DDR1: variants seen among roughly 807,000 people sequenced by gnomAD.
DDR1 encodes the protein epithelial discoidin domain-containing receptor 1.
A neutral mutation model predicts 97.4 loss-of-function variants in DDR1; 64 were observed. That is an observed-to-expected ratio of 0.66 (90% confidence interval 0.54 to 0.81). DDR1 has a LOEUF of 0.81. Ranked by LOEUF, DDR1 falls within the 30% of genes least tolerant of loss-of-function variation. DDR1 has a pLI of 0.00. For missense variants in DDR1, 990 were observed against 1,259.6 expected (o/e 0.79, Z 3.24); for synonymous variants, 458 against 503.7 (o/e 0.91, Z 1.21).
chr6:30,889,449 G>C lies in DDR1; in HGVS notation c.417+19G>C. On this transcript the variant is annotated intron_variant, in intron 4 of 17. Coordinates refer to ENST00000376568, the MANE Select transcript of DDR1 (RefSeq NM_001297654.2). This position sits in a 1 kb window ranked among gnomAD's most constrained non-coding sequence, Gnocchi z 4.9. Reference sequence around the variant, plus strand: ...TCAGGAGGTGAGACTGGCAGGGGCAGCACCCAGAGGAGGTTGGCTCTCCTC... The same window carrying C: ...TCAGGAGGTGAGACTGGCAGGGGCACCACCCAGAGGAGGTTGGCTCTCCTC... 2.0e-6 allele frequency: 3 copies of C among 1,477,754 alleles called. No individual in the cohort carries two copies. Among genetic ancestry groups the C allele is most frequent in the African/African-American group, 1.4e-5 (1 of 71,242 alleles). The allele number at this position is 1,477,754 out of a possible 1,614,324, so 91.5% of individuals were successfully genotyped here.
rs114696917 is a variant in DDR1, at chr6:30,897,725, C to G, written c.2216+128C>G. On this transcript the variant is annotated intron_variant, in intron 15 of 17. Transcript: ENST00000376568. This position sits in a 1 kb window ranked among gnomAD's most constrained non-coding sequence, Gnocchi z 5.2. ...GAAGGGAGAGAGGTTCCAGGAGGGC[C>G]TGGGATAAGGAATGTGTGACAAGTT... 0.015 allele frequency: 11,525 copies of G among 755,822 alleles called. 196 individuals are homozygous for G. The highest frequency in any genetic ancestry group is 0.035 in the Admixed American group (1,320 of 37,712). 46.8% of individuals were successfully genotyped at this position (755,822 alleles called of 1,614,324 possible). A position where few individuals can be genotyped will look rare whatever the true frequency, so the allele number is the denominator to read the frequency against.
At position 30,897,619 on chromosome 6, in the gene DDR1, G is replaced by T; in HGVS notation, c.2216+22G>T. 6.3e-7 allele frequency: 1 copy of T among 1,589,704 alleles called. No homozygotes were observed. The highest frequency in any genetic ancestry group is 1.3e-5 in the African/African-American group (1 of 74,634). On this transcript the variant is annotated intron_variant, in intron 15 of 17. Coordinates refer to ENST00000376568, the MANE Select transcript of DDR1 (RefSeq NM_001297654.2). This position sits in a 1 kb window ranked among gnomAD's most constrained non-coding sequence, Gnocchi z 5.2. ...TCAGGTACCTGCTTACCCAGGCTGG[G>T]CCTTGCTCAGAATTCCCCCAGGGGA...
rs1366914006 is a variant in DDR1 at position 30,896,523 on chromosome 6, G to A, written c.1625-98G>A. 3.4e-6 allele frequency: 5 copies of A among 1,458,302 alleles called. No individual in the cohort carries two copies. The African/African-American group carries it at 7.1e-5, about 21-fold the overall frequency. 90.3% of individuals were successfully genotyped at this position (1,458,302 alleles called of 1,614,324 possible). A position where few individuals can be genotyped will look rare whatever the true frequency, so the allele number is the denominator to read the frequency against. On this transcript the variant is annotated intron_variant, in intron 12 of 17. Transcript: ENST00000376568. ...TAGACCCAGTCTCTCACTCAACCGG[G>A]AGACACAGGGCCCTCCGGGAGGCTG... is the stretch of plus-strand genomic sequence containing the variant.
In DDR1 at chr6:30,889,360, G is replaced by A. The variant is rs570679100; in HGVS notation, c.347G>A (p.Arg116Gln). 148 of 1,609,164 alleles carry A rather than the reference G, an allele frequency of 9.2e-5. No individual in the cohort carries two copies. The highest frequency in any genetic ancestry group is 3.9e-4 in the South Asian group (35 of 90,504). ...HAGGLGKEFSRSYRLRYSRDG... is the reference protein window; with the variant it reads ...HAGGLGKEFSQSYRLRYSRDG... The stretch of plus-strand genomic sequence containing the variant: ...GGGGGCCTGGGCAAGGAGTTCTCCC[G>A]GAGCTACCGGCTGCGTTACTCCCGG... The change falls in exon 4 of 18, where the codon CGG becomes CAG. Residue 116 changes from arginine to glutamine, a missense_variant. By Grantham distance (43) the Arg-to-Gln change is conservative. Transcript: ENST00000376568. The surrounding 1 kb of genome is among the most constrained non-coding windows in gnomAD (Gnocchi z 4.9).
Position 30,891,388 on chromosome 6 carries a change from C to T in DDR1, c.574C>T (p.Leu192=). ...CTCTCACCCTGCCCCAGATGGACTC[C>T]TGTCTTACACCGCCCCTGTGGGGCA... ...LYGCLWRDGL[L]SYTAPVGQTM... The change falls in exon 6 of 18, where the codon CTG becomes TTG. Residue 192 remains leucine (L), a synonymous_variant. Coordinates refer to ENST00000376568, the MANE Select transcript of DDR1 (RefSeq NM_001297654.2). This position sits in a 1 kb window ranked among gnomAD's most constrained non-coding sequence, Gnocchi z 5.3. 6.2e-7 allele frequency: 1 copy of T among 1,612,572 alleles called. No homozygotes were observed. The highest frequency in any genetic ancestry group is 8.5e-7 in the Non-Finnish European group (1 of 1,179,718).
Position 30,889,097 on chromosome 6 carries a change from A to G in DDR1, c.188+87A>G. The G allele has an allele frequency of 6.3e-7, 1 of 1,580,204 alleles. No individual in the cohort carries two copies. Among genetic ancestry groups the G allele is most frequent in the Non-Finnish European group, 8.7e-7 (1 of 1,151,436 alleles). On this transcript the variant is annotated intron_variant, in intron 3 of 17. Transcript: ENST00000376568. The surrounding 1 kb of genome is among the most constrained non-coding windows in gnomAD (Gnocchi z 4.9). ...CCCCTCCAACCCCTCTGCCCATGCCAGTGAAACCCCTGCAGGCTGAGGGGG... is the reference window on the plus strand; with the variant it reads ...CCCCTCCAACCCCTCTGCCCATGCCGGTGAAACCCCTGCAGGCTGAGGGGG...
At position 30,898,054 on chromosome 6, in the gene DDR1, C is replaced by G; in HGVS notation, c.2217-19C>G. 2 of 1,599,286 alleles carry G rather than the reference C, an allele frequency of 1.3e-6. No homozygotes were observed. Among genetic ancestry groups the G allele is most frequent in the Non-Finnish European group, 1.7e-6 (2 of 1,166,690 alleles). On this transcript the variant is annotated intron_variant, in intron 15 of 17. Transcript: ENST00000376568. ...CTGCGAAGCTGCCCCCAGTGACCTT[C>G]TGTCGGTTCCCTTCTCAGCTACCCA...
At position 30,894,753 on chromosome 6, in the gene DDR1, C is replaced by G. The variant is rs890379017; in HGVS notation, c.1513+82C>G. 1.8e-5 allele frequency: 26 copies of G among 1,427,012 alleles called. No homozygotes were observed. In the Middle Eastern group the frequency reaches 5.6e-4, roughly 31 times the overall value. 88.4% of individuals were successfully genotyped at this position (1,427,012 alleles called of 1,614,324 possible). A position where few individuals can be genotyped will look rare whatever the true frequency, so the allele number is the denominator to read the frequency against. Reference sequence around the variant, plus strand: ...ATCCCTTTCCCATTCTCTTTTTTTCCTGTCTTCCCCAGTTTCCACTTGTTT... The same window carrying G: ...ATCCCTTTCCCATTCTCTTTTTTTCGTGTCTTCCCCAGTTTCCACTTGTTT... On this transcript the variant is annotated intron_variant, in intron 11 of 17. Coordinates refer to ENST00000376568, the MANE Select transcript of DDR1 (RefSeq NM_001297654.2). The surrounding 1 kb of genome is among the most constrained non-coding windows in gnomAD (Gnocchi z 5.7).
At position 30,889,438 on chromosome 6, in the gene DDR1, T is replaced by C. The variant is rs1300453567; in HGVS notation, c.417+8T>C. On this transcript the variant is annotated splice_region_variant and intron_variant, in intron 4 of 17. Transcript: ENST00000376568. The surrounding 1 kb of genome is among the most constrained non-coding windows in gnomAD (Gnocchi z 4.9). ...GACCGCTGGGGTCAGGAGGTGAGACTGGCAGGGGCAGCACCCAGAGGAGGT... is the reference window on the plus strand; with the variant it reads ...GACCGCTGGGGTCAGGAGGTGAGACCGGCAGGGGCAGCACCCAGAGGAGGT... 1 of 1,511,200 alleles carries C rather than the reference T, an allele frequency of 6.6e-7. No homozygotes were observed. Among genetic ancestry groups the C allele is most frequent in the Non-Finnish European group, 8.8e-7 (1 of 1,130,692 alleles). 93.6% of individuals were successfully genotyped at this position (1,511,200 alleles called of 1,614,324 possible). A position where few individuals can be genotyped will look rare whatever the true frequency, so the allele number is the denominator to read the frequency against.
chr6:30,898,231 A>G lies in DDR1; in HGVS notation c.2375A>G (p.Tyr792Cys), dbSNP rs777882153. The G allele has an allele frequency of 1.9e-5, 31 of 1,614,064 alleles. No homozygotes were observed. The highest frequency in any genetic ancestry group is 2.5e-5 in the Non-Finnish European group (29 of 1,180,042). ...IADFGMSRNL[Y>C]AGDYYRVQGR... ...GACTTTGGCATGAGCCGGAACCTCTATGCTGGGGACTATTACCGTGTGCAG... is the reference window on the plus strand; with the variant it reads ...GACTTTGGCATGAGCCGGAACCTCTGTGCTGGGGACTATTACCGTGTGCAG... The change falls in exon 16 of 18, where the codon TAT becomes TGT. Residue 792 changes from tyrosine to cysteine, a missense_variant. Coordinates refer to ENST00000376568, the MANE Select transcript of DDR1 (RefSeq NM_001297654.2).
At position 30,890,248 on chromosome 6, in the gene DDR1, C is replaced by T. The variant is rs1004380862; in HGVS notation, c.418-725C>T. Among the ~76,000 whole-genome samples the T allele has an allele frequency of 6.6e-5, 10 of 152,172 alleles. No homozygotes were observed. Among genetic ancestry groups the T allele is most frequent in the Non-Finnish European group, 1.2e-4 (8 of 68,032 alleles). On this transcript the variant is annotated intron_variant, in intron 4 of 17. Transcript: ENST00000376568. The surrounding 1 kb of genome is among the most constrained non-coding windows in gnomAD (Gnocchi z 5.0). ...GCAGGATGCTCAGCCTGACCTGGCT[C>T]CTGCCTGCATCACTTGTTTCTTGGC...
At position 30,893,372 on chromosome 6, in the gene DDR1, C is replaced by T. The variant is rs1209122199; in HGVS notation, c.1296C>T (p.Leu432=). ...CLVAIILLLL[L]IIALMLWRLH... ...TGGCCATCATCCTGCTCCTGCTGCT[C>T]ATCATTGCCCTCATGCTCTGGCGGC... The change falls in exon 10 of 18, where the codon CTC becomes CTT. Residue 432 remains leucine, a synonymous_variant. Coordinates refer to ENST00000376568, the MANE Select transcript of DDR1 (RefSeq NM_001297654.2). 3 of 1,608,042 alleles carry T rather than the reference C, an allele frequency of 1.9e-6. No individual in the cohort carries two copies. Among genetic ancestry groups the T allele is most frequent in the Admixed American group, 1.7e-5 (1 of 59,996 alleles).
chr6:30,892,938 C>CA (rs1789115470), intron 8 of DDR1, 130 bp from the exon 9 acceptor site: 1 of 799,862 alleles, frequency 1.3e-6, no homozygotes, highest in Non-Finnish European at 2.0e-6. Context: ...CCCCAGCCCC[C>CA]ACTGGTCAGT....
intron 9 of DDR1, 47 bp downstream of exon 9, chr6:30,893,210 T>G: frequency 1.3e-6 from 2 of 1,595,364 alleles, no homozygotes; most frequent in Non-Finnish European, 1.7e-6. Flanking sequence ...CCCTTCTCCC[T>G]GGGCCTCCCC....
chr6:30,892,608 C>G, intron 8 of DDR1, 66 bp downstream of exon 8: 2 of 1,500,566 alleles, frequency 1.3e-6, no homozygotes, highest in Middle Eastern at 1.8e-4. Context: ...CCTAACCCTG[C>G]AGTGTCCCTA....
Position 30,893,085 on chromosome 6 carries a change from T to A in DDR1, c.1117T>A (p.Ser373Thr). The change falls in exon 9 of 18, where the codon TCT (serine) becomes ACT (threonine). Residue 373 changes from serine (S) to threonine (T), a missense_variant. By Grantham distance (58) the Ser-to-Thr change is moderately conservative. Coordinates refer to ENST00000376568, the MANE Select transcript of DDR1 (RefSeq NM_001297654.2). ...CTCCCCAGATGTGGTGAACAATTCC[T>A]CTCCGGCACTGGGAGGCACCTTCCC... Reference protein sequence around the residue: ...SFISDVVNNSSPALGGTFPPA... With the variant: ...SFISDVVNNSTPALGGTFPPA... 6.2e-7 allele frequency: 1 copy of A among 1,612,638 alleles called. No homozygotes were observed. Among genetic ancestry groups the A allele is most frequent in the Non-Finnish European group, 8.5e-7 (1 of 1,179,894 alleles).
At position 30,892,042 on chromosome 6, in the gene DDR1, G is replaced by A. The variant is rs748661249; in HGVS notation, c.706G>A (p.Val236Met). The A allele has an allele frequency of 2.5e-6, 4 of 1,614,116 alleles. No homozygotes were observed. Among genetic ancestry groups the A allele is most frequent in the Non-Finnish European group, 1.7e-6 (2 of 1,179,990 alleles). Reference sequence around the variant, plus strand: ...TCTGGGCCAGCTGGCAGATGGTGTGGTGGGGCTGGATGACTTTAGGAAGAG... The same window carrying A: ...TCTGGGCCAGCTGGCAGATGGTGTGATGGGGCTGGATGACTTTAGGAAGAG... ...GGLGQLADGVVGLDDFRKSQE... is the reference protein window; with the variant it reads ...GGLGQLADGVMGLDDFRKSQE... Residue 236 changes from valine to methionine, a missense_variant, in exon 7 of 18, where the codon GTG (valine) becomes ATG (methionine). Coordinates refer to ENST00000376568, the MANE Select transcript of DDR1 (RefSeq NM_001297654.2).
rs1182520607 is a variant in DDR1 at position 30,900,149 on chromosome 6, T to C, written c.*853T>C. The C allele has an allele frequency of 3.5e-6, 2 of 563,474 alleles. No individual in the cohort carries two copies. The highest frequency in any genetic ancestry group is 6.9e-6 in the Non-Finnish European group (2 of 289,350). 34.9% of individuals were successfully genotyped at this position (563,474 alleles called of 1,614,324 possible). On this transcript the variant is annotated 3_prime_UTR_variant, in exon 18 of 18. Transcript: ENST00000376568. ...GGCAGGTAATAATAAAGGTTGAGTT[T>C]TCCACAACTGTGTGAGTGGGTTCCT...
chr6:30,897,628 A>G lies in DDR1; in HGVS notation c.2216+31A>G. ...TGCTTACCCAGGCTGGGCCTTGCTC[A>G]GAATTCCCCCAGGGGATCTCCTCCT... On this transcript the variant is annotated intron_variant, in intron 15 of 17. Coordinates refer to ENST00000376568, the MANE Select transcript of DDR1 (RefSeq NM_001297654.2). This position sits in a 1 kb window ranked among gnomAD's most constrained non-coding sequence, Gnocchi z 5.2. 1 of 1,565,882 alleles carries G rather than the reference A, an allele frequency of 6.4e-7. No individual in the cohort carries two copies. Among genetic ancestry groups the G allele is most frequent in the Non-Finnish European group, 8.7e-7 (1 of 1,148,834 alleles).
Sources: gnomAD v4.1 joint callset for allele counts (sites outside exome capture counted in the v4.1 genomes callset) on GRCh38, gnomAD v4.1.1 for gene constraint, Gnocchi (gnomAD v3.1) non-coding constraint, MANE v1.5 for transcripts, NCBI Gene and HGNC (gene_info 2026-07-23, HGNC 2026-07-21) for gene names.